PTPRN2: variants seen among roughly 807,000 people sequenced by gnomAD.
PTPRN2 encodes protein tyrosine phosphatase receptor type N2, also known as receptor-type tyrosine-protein phosphatase N2.
Under a neutral mutation model 118.8 loss-of-function variants are expected in PTPRN2, and 74 were observed. That is an observed-to-expected ratio of 0.62 (90% CI 0.52 to 0.76). PTPRN2 has a LOEUF of 0.76. Ranked by LOEUF, PTPRN2 falls within the 30% of genes least tolerant of loss-of-function variation. The pLI is 0.00. For synonymous variants in PTPRN2, 641 were observed against 608.0 expected, an observed-to-expected ratio of 1.05 and a Z score of -0.80; for missense variants, 1,481 against 1,394.4, an observed-to-expected ratio of 1.06 and a Z score of -0.99.
At position 158,526,702 on chromosome 7, in the gene PTPRN2, G is replaced by T. The variant is rs1398320110; in HGVS notation, c.113-36917C>A. 6.6e-6 allele frequency among the ~76,000 whole-genome samples: 1 copy of T among 152,122 alleles called. No individual in the cohort carries two copies. The highest frequency in any genetic ancestry group is 1.9e-4 in the East Asian group (1 of 5,176). On this transcript the variant is annotated intron_variant, in intron 1 of 22. Transcript: ENST00000389418. This position sits in a 1 kb window ranked among gnomAD's most constrained non-coding sequence, Gnocchi z 5.2. ...ATGGGCCCGGATCCAGGCTGACTGG[G>T]TCCTTATGGAGGAGGAGGTGAGGAC...
intron 12 of PTPRN2, among the ~76,000 whole-genome samples, chr7:157,772,188 GAC>G (rs1026414940): frequency 6.4e-5 from 9 of 141,146 alleles, no homozygotes; most frequent in South Asian, 2.3e-4. Flanking sequence ...CACAGACACA[GAC>G]ACACATACAT....
intron 11 of PTPRN2, among the ~76,000 whole-genome samples, chr7:158,026,056 C>A (rs1352847738): frequency 6.6e-6 from 1 of 152,266 alleles, no homozygotes; most frequent in African/African-American, 2.4e-5. Context: ...CTCTGTATGC[C>A]AAGCACGGCC....
intron 11 of PTPRN2, among the ~76,000 whole-genome samples, chr7:157,983,895 C>A (rs569534821): frequency 9.2e-5 from 14 of 152,272 alleles, no homozygotes; most frequent in African/African-American, 2.2e-4. Flanking sequence ...CCTGGACACA[C>A]GGATGTTCTG....
Position 157,748,634 on chromosome 7 carries a change from G to A in PTPRN2, c.1789-65697C>T, listed in dbSNP as rs548379913. On this transcript the variant is annotated intron_variant, in intron 12 of 22. Coordinates refer to ENST00000389418, the MANE Select transcript of PTPRN2 (RefSeq NM_002847.5). ...AGCTGTGGGCTGTTGACGTGATTCT[G>A]ATGCCTGCGTCCCTGAGCTGTGGGC... is the stretch of plus-strand genomic sequence containing the variant. 4.2e-4 allele frequency among the ~76,000 whole-genome samples: 62 copies of A among 149,222 alleles called. 1 individual carries two copies. Among genetic ancestry groups the A allele is most frequent in the African/African-American group, 1.4e-3 (56 of 39,912 alleles).
At chr7:158,376,476 A>G (rs1810523296) in intron 2 of PTPRN2, among the ~76,000 whole-genome samples, 1 of 127,032 alleles carries the variant, frequency 7.9e-6, no homozygotes, top group Non-Finnish European at 1.6e-5. Flanking sequence ...ACACGTCCTG[A>G]GAGGGGGGTC....
chr7:158,526,627 T>A lies in PTPRN2; in HGVS notation c.113-36842A>T, dbSNP rs984718532. Among the ~76,000 whole-genome samples the A allele has an allele frequency of 6.6e-6, 1 of 152,018 alleles. No homozygotes were observed. Among genetic ancestry groups the A allele is most frequent in the Non-Finnish European group, 1.5e-5 (1 of 68,000 alleles). ...CCCAGGACCTCAGAATGGGACTGTA[T>A]TTGGAGATGGGTCTTGAAAGAGGTG... On this transcript the variant is annotated intron_variant, in intron 1 of 22. Coordinates refer to ENST00000389418, the MANE Select transcript of PTPRN2 (RefSeq NM_002847.5). This position sits in a 1 kb window ranked among gnomAD's most constrained non-coding sequence, Gnocchi z 5.2.
intron 2 of PTPRN2, among the ~76,000 whole-genome samples, chr7:158,454,351 G>A (rs568228743): frequency 2.1e-4 from 31 of 151,006 alleles, no homozygotes; most frequent in African/African-American, 6.8e-4. Flanking sequence ...TGCTACAGAG[G>A]ACAGACAAGA....
intron 12 of PTPRN2, among the ~76,000 whole-genome samples, chr7:157,726,225 C>T (rs60407182): frequency 0.013 from 1,758 of 135,190 alleles, 36 homozygotes; most frequent in African/African-American, 0.048. Context: ...GATATCCACA[C>T]GCAGAGGAGT....
chr7:158,577,961 C>T (rs896661599), intron 1 of PTPRN2, among the ~76,000 whole-genome samples: 2 of 152,232 alleles, frequency 1.3e-5, no homozygotes, highest in Admixed American at 1.3e-4. Flanking sequence ...CACAGCAAGA[C>T]TGCCCACCCT....
intron 3 of PTPRN2, among the ~76,000 whole-genome samples, chr7:158,269,316 T>C (rs1475341749): frequency 3.3e-5 from 5 of 152,216 alleles, no homozygotes; most frequent in Non-Finnish European, 5.9e-5. Context: ...AGGCCATGCC[T>C]GGTGCAGAAA....
At chr7:158,454,404 T>C (rs1294678150) in intron 2 of PTPRN2, among the ~76,000 whole-genome samples, 349 of 66,738 alleles carry the variant, frequency 5.2e-3, no homozygotes, top group African/African-American at 6.5e-3. Flanking sequence ...GGGACAGTTG[T>C]TATGGAGGAC....
intron 11 of PTPRN2, among the ~76,000 whole-genome samples, chr7:158,060,902 G>A (rs890941743): frequency 6.6e-6 from 1 of 152,238 alleles, no homozygotes; most frequent in Non-Finnish European, 1.5e-5. Context: ...CCTTTATTAA[G>A]TTATTTTACC....
chr7:158,307,723 T>C (rs145989459), intron 3 of PTPRN2, among the ~76,000 whole-genome samples: 76 of 152,308 alleles, frequency 5.0e-4, no homozygotes, highest in African/African-American at 1.7e-3. Context: ...ATGGACTAGA[T>C]ATTTGTCCCC....
At position 158,522,678 on chromosome 7, in the gene PTPRN2, C is replaced by G. The variant is rs77199383; in HGVS notation, c.113-32893G>C. The stretch of plus-strand genomic sequence containing the variant: ...GACACAGATTAAGGTGAAGTGAGGG[C>G]ATCAGCATGGTCTGGAGTCCGTGAG... On this transcript the variant is annotated intron_variant, in intron 1 of 22. Transcript: ENST00000389418. Among the ~76,000 whole-genome samples the G allele has an allele frequency of 2.7e-3, 409 of 152,326 alleles. 7 individuals carry two copies. Among genetic ancestry groups the G allele is most frequent in the East Asian group, 0.023 (119 of 5,186 alleles).
chr7:157,846,477 C>T (rs1030803782), intron 12 of PTPRN2, among the ~76,000 whole-genome samples: 1 of 151,596 alleles, frequency 6.6e-6, no homozygotes, highest in Non-Finnish European at 1.5e-5. Context: ...CTGGGTGATA[C>T]TAAGCTGCTG....
At chr7:158,046,090 C>T (rs758067368) in intron 11 of PTPRN2, among the ~76,000 whole-genome samples, 15 of 146,882 alleles carry the variant, frequency 1.0e-4, no homozygotes, top group Non-Finnish European at 1.8e-4. Flanking sequence ...CTGACACTGC[C>T]TTGTTCTGTC....
At chr7:157,991,587 C>T (rs890841557) in intron 11 of PTPRN2, among the ~76,000 whole-genome samples, 7 of 152,202 alleles carry the variant, frequency 4.6e-5, no homozygotes, top group African/African-American at 1.7e-4. Context: ...CGAGGGAGGG[C>T]GGACCTGTTT....
At position 158,201,057 on chromosome 7, in the gene PTPRN2, G is replaced by GT. The variant is rs71302094; in HGVS notation, c.380+4113dup. Among the ~76,000 whole-genome samples, 349 of 147,950 alleles carry GT rather than the reference G, an allele frequency of 2.4e-3. 2 individuals are homozygous for GT. The South Asian group carries it at 0.037, about 16-fold the overall frequency. On this transcript the variant is annotated intron_variant, in intron 4 of 22. Coordinates refer to ENST00000389418, the MANE Select transcript of PTPRN2 (RefSeq NM_002847.5). ...ATGTTACAAGGGTGAAAAAAAAGTG[G>GT]TTTTTTTTTTTTGAGACAGGGTCTC...
In PTPRN2 at chr7:158,405,950, CT is replaced by C. The variant is rs1300439392; in HGVS notation, c.163+83784del. ...GCCGCACACTGAGATCCCGCAGTGG[CT>C]CATCCGTGAGACACGTGTCCGCACA... is the stretch of plus-strand genomic sequence containing the variant. On this transcript the variant is annotated intron_variant, in intron 2 of 22. Coordinates refer to ENST00000389418, the MANE Select transcript of PTPRN2 (RefSeq NM_002847.5). Among the ~76,000 whole-genome samples, 234 of 150,258 alleles carry C rather than the reference CT, an allele frequency of 1.6e-3. 38 individuals are homozygous for C. Among genetic ancestry groups the C allele is most frequent in the African/African-American group, 2.3e-3 (95 of 40,616 alleles).
Sources: allele counts gnomAD v4.1 joint callset (sites outside exome capture counted in the v4.1 genomes callset), GRCh38; gene constraint gnomAD v4.1.1; non-coding constraint Gnocchi (gnomAD v3.1); transcripts MANE v1.5; gene names NCBI Gene and HGNC (gene_info 2026-07-23, HGNC 2026-07-21).